Variants in RPS6KA3 observed in about 807,000 individuals in gnomAD.
The protein encoded by RPS6KA3 is ribosomal protein S6 kinase A3, also known as ribosomal protein S6 kinase alpha-3.
RPS6KA3 carries 4 observed loss-of-function variants against 67.2 expected under a neutral mutation model. The ratio of observed to expected loss-of-function variants is 0.06; its 90% CI spans 0.03 to 0.14. RPS6KA3 has a LOEUF of 0.14. Among genes scored for constraint, RPS6KA3 ranks in the 10% least tolerant of loss-of-function variants. RPS6KA3 has a pLI of 1.00. For synonymous variants in RPS6KA3, 182 were observed against 183.7 expected (o/e 0.99, Z 0.07); for missense variants, 204 against 559.0 (o/e 0.36, Z 6.40).
chrX:20,233,608 G>A, intron 2 of RPS6KA3, among the ~76,000 whole-genome samples: 1 of 109,729 alleles, frequency 9.1e-6, no homozygotes, highest in Non-Finnish European at 1.9e-5. Context: ...AAAATTAGCT[G>A]GGTGTCGTGG....
intron 9 of RPS6KA3, among the ~76,000 whole-genome samples, chrX:20,186,756 C>T (rs1472702548): frequency 2.7e-5 from 3 of 112,228 alleles, no homozygotes; most frequent in African/African-American, 9.7e-5. Context: ...CCATGCTCAG[C>T]TTCATCAATC....
intron 1 of RPS6KA3, among the ~76,000 whole-genome samples, chrX:20,261,464 A>G (rs2070227725): frequency 8.9e-6 from 1 of 112,311 alleles, no homozygotes; most frequent in Non-Finnish European, 1.9e-5. Flanking sequence ...GGTGTGCCAA[A>G]GTTTATCTTT....
intron 2 of RPS6KA3, among the ~76,000 whole-genome samples, chrX:20,229,503 G>A (rs1018284038): frequency 9.0e-6 from 1 of 111,415 alleles, no homozygotes; most frequent in African/African-American, 3.3e-5. Flanking sequence ...CAAAAGATGC[G>A]GCTAAGCTCT....
At chrX:20,225,243 GT>G (rs374712907) in intron 2 of RPS6KA3, among the ~76,000 whole-genome samples, 11,863 of 79,742 alleles carry the variant, frequency 0.15, 751 homozygotes, top group African/African-American at 0.16. Context: ...TTTTTTTTTT[GT>G]TTTTTTTTTT....
intron 1 of RPS6KA3, among the ~76,000 whole-genome samples, chrX:20,260,534 C>T (rs773781897): frequency 9.5e-4 from 106 of 111,432 alleles, no homozygotes; most frequent in Non-Finnish European, 1.7e-3. Context: ...GATTTCTGTT[C>T]CCCTTGCCCT....
intron 3 of RPS6KA3, 147 bp downstream of exon 3, chrX:20,209,141 T>C (rs1470203255): frequency 1.5e-5 from 7 of 468,659 alleles, no homozygotes; most frequent in Admixed American, 1.3e-4. Context: ...ACTTTCCCAC[T>C]TACTGATAGT....
In RPS6KA3 at chrX:20,266,762, AGCG is replaced by A. The variant is rs1255504221; in HGVS notation, c.-133_-131del. 1.0e-3 allele frequency: 345 copies of A among 337,975 alleles called. 1 individual carries two copies. Among genetic ancestry groups the A allele is most frequent in the Non-Finnish European group, 1.2e-3 (323 of 264,346 alleles). 27.9% of individuals were successfully genotyped at this position (337,975 alleles called of 1,213,427 possible). ...CGGCGGCGGCGGCAGCGGCAGCGGCAGCGGCAGCAGCAGCAGCAGCGGCGGCGG... is the reference window on the plus strand; with the variant it reads ...CGGCGGCGGCGGCAGCGGCAGCGGCAGCAGCAGCAGCAGCAGCGGCGGCGG... On this transcript the variant is annotated 5_prime_UTR_variant, in exon 1 of 22. Transcript: ENST00000379565.
chrX:20,175,112 G>A, intron 14 of RPS6KA3, 52 bp downstream of exon 14: 1 of 1,082,623 alleles, frequency 9.2e-7, no homozygotes, highest in Non-Finnish European at 1.3e-6. Flanking sequence ...TTCACAGAAT[G>A]AACTATATCT....
At chrX:20,189,491 C>A (rs779246300) in intron 7 of RPS6KA3, among the ~76,000 whole-genome samples, 3 of 112,014 alleles carry the variant, frequency 2.7e-5, no homozygotes, top group Admixed American at 1.9e-4. Flanking sequence ...TGATAAAGAA[C>A]AACTGGAGAA....
At chrX:20,169,826 A>G (rs2067529155) in intron 15 of RPS6KA3, among the ~76,000 whole-genome samples, 1 of 112,194 alleles carries the variant, frequency 8.9e-6, no homozygotes, top group African/African-American at 3.2e-5. Context: ...CTTTTCTTCT[A>G]TCCTTGAGGC....
At chrX:20,182,776 A>T (rs1413795823) in intron 10 of RPS6KA3, among the ~76,000 whole-genome samples, 2 of 111,949 alleles carry the variant, frequency 1.8e-5, no homozygotes, top group Non-Finnish European at 3.8e-5. Context: ...AAGGACAAAA[A>T]CTGCTTTCCA....
At chrX:20,255,891 C>A (rs1313647386) in intron 1 of RPS6KA3, among the ~76,000 whole-genome samples, 1 of 103,302 alleles carries the variant, frequency 9.7e-6, no homozygotes, top group Non-Finnish European at 2.0e-5. Context: ...GATGGATCAC[C>A]CTGAGGTCAG....
chrX:20,259,614 A>G (rs1379750008), intron 1 of RPS6KA3, among the ~76,000 whole-genome samples: 2 of 111,529 alleles, frequency 1.8e-5, no homozygotes, highest in Admixed American at 9.5e-5. Context: ...GCGTTACTGT[A>G]GTTATCAGAC....
chrX:20,225,250 T>G (rs112141345), intron 2 of RPS6KA3, among the ~76,000 whole-genome samples: 2,624 of 97,874 alleles, frequency 0.027, 48 homozygotes, highest in African/African-American at 0.056. Context: ...TTTGTTTTTT[T>G]TTTTGTTTTT....
rs2067475566 is a variant in RPS6KA3 at position 20,167,688 on chromosome X, C to T, written c.1503G>A (p.Leu501=). ...ATTTTTGTCTAAGAATTTTATCCAG[C>T]AATTCACCTCCTTTCATAAGTTCTG... ...VVTELMKGGE[L]LDKILRQKFF... The change falls in exon 17 of 22, where the codon TTG becomes TTA. Residue 501 remains leucine (L), a synonymous_variant. Transcript: ENST00000379565. The T allele has an allele frequency of 1.7e-6, 2 of 1,189,301 alleles. No individual in the cohort carries two copies. Among genetic ancestry groups the T allele is most frequent in the East Asian group, 5.9e-5 (2 of 33,755 alleles).
chrX:20,164,865 T>C (rs755056470), intron 18 of RPS6KA3, 34 bp downstream of exon 18: 1 of 1,115,493 alleles, frequency 9.0e-7, no homozygotes, highest in South Asian at 1.8e-5. Context: ...TTTTAAAACA[T>C]ACTAATACTG....
intron 1 of RPS6KA3, among the ~76,000 whole-genome samples, chrX:20,242,999 G>A (rs1340816022): frequency 9.1e-6 from 1 of 110,482 alleles, no homozygotes; most frequent in African/African-American, 3.3e-5. Context: ...TTTTTAAAAA[G>A]TAAACCAACA....
At chrX:20,234,013 A>G (rs1002722443) in intron 2 of RPS6KA3, among the ~76,000 whole-genome samples, 1 of 112,413 alleles carries the variant, frequency 8.9e-6, no homozygotes, top group Non-Finnish European at 1.9e-5. Flanking sequence ...ATTATGTGCC[A>G]GGCACATTGG....
intron 5 of RPS6KA3, 45 bp from the exon 6 acceptor site, chrX:20,194,313 T>C: frequency 1.2e-6 from 1 of 852,654 alleles, no homozygotes; most frequent in Non-Finnish European, 1.7e-6. Context: ...CCATAATTTT[T>C]TTAGGTTTAC....
Sources: gnomAD v4.1 joint callset for allele counts (sites outside exome capture counted in the v4.1 genomes callset) on GRCh38, gnomAD v4.1.1 for gene constraint, MANE v1.5 for transcripts, NCBI Gene and HGNC (gene_info 2026-07-23, HGNC 2026-07-21) for gene names.